Variants in FKBP6 observed in about 807,000 individuals in gnomAD.
The protein encoded by FKBP6 is FKBP prolyl isomerase family member 6 (inactive).
Under a neutral mutation model 41.7 loss-of-function variants are expected in FKBP6, and 29 were observed. The observed-to-expected ratio is 0.70, with a 90% CI of 0.52 to 0.95. FKBP6 has a LOEUF of 0.95. Among genes scored for constraint, FKBP6 ranks in the 40% least tolerant of loss-of-function variants. The pLI is 0.00. For synonymous variants in FKBP6, 130 were observed against 165.1 expected, an observed-to-expected ratio of 0.79 and a Z score of 1.63; for missense variants, 338 against 408.7, an observed-to-expected ratio of 0.83 and a Z score of 1.49.
chr7:73,342,038 C>A (rs1554549672), intron 7 of FKBP6, among the ~76,000 whole-genome samples: 3 of 151,986 alleles, frequency 2.0e-5, no homozygotes, highest in Non-Finnish European at 4.4e-5. Context: ...TGCTCCTAAC[C>A]AAGTGCAGAA....
At chr7:73,353,149 C>T (rs1233732972) in intron 8 of FKBP6, among the ~76,000 whole-genome samples, 2 of 152,110 alleles carry the variant, frequency 1.3e-5, no homozygotes, top group African/African-American at 4.8e-5. Flanking sequence ...CCTCTCTCCC[C>T]TCTGCTTCTG....
intron 8 of FKBP6, among the ~76,000 whole-genome samples, chr7:73,350,368 A>C (rs1247551752): frequency 6.6e-6 from 1 of 152,146 alleles, no homozygotes; most frequent in Non-Finnish European, 1.5e-5. Flanking sequence ...CCTTTCCCTG[A>C]GGAGGCCTCT....
intron 8 of FKBP6, among the ~76,000 whole-genome samples, chr7:73,345,042 C>G (rs1805297436): frequency 6.6e-6 from 1 of 152,088 alleles, no homozygotes; most frequent in South Asian, 2.1e-4. Context: ...TTTGCATTTT[C>G]TAGCTTCTGG....
chr7:73,329,507 G>T (rs782759955), intron 3 of FKBP6, 58 bp downstream of exon 3: 1 of 1,041,416 alleles, frequency 9.6e-7, no homozygotes, highest in Non-Finnish European at 1.5e-6. Flanking sequence ...GATGAGGCAC[G>T]ATGCCTCAGG....
At chr7:73,351,417 G>A (rs1439984069) in intron 8 of FKBP6, among the ~76,000 whole-genome samples, 8 of 151,950 alleles carry the variant, frequency 5.3e-5, no homozygotes, top group South Asian at 2.1e-4. Context: ...ATCTTCTGCC[G>A]GGCATCTGGG....
chr7:73,349,546 C>CAAAAAAAAA (rs1175280907), intron 8 of FKBP6, among the ~76,000 whole-genome samples: 35 of 48,540 alleles, frequency 7.2e-4, no homozygotes, highest in African/African-American at 1.4e-3. Flanking sequence ...TACTAAAATA[C>CAAAAAAAAA]AAAAAAAAAA....
intron 5 of FKBP6, among the ~76,000 whole-genome samples, chr7:73,333,287 A>G (rs1420366749): frequency 4.6e-5 from 7 of 151,660 alleles, no homozygotes; most frequent in Admixed American, 6.6e-5. Context: ...AAAAAAAAAC[A>G]AAACACCACA....
chr7:73,344,878 C>T (rs1221346771), intron 8 of FKBP6, among the ~76,000 whole-genome samples: 1 of 152,228 alleles, frequency 6.6e-6, no homozygotes, highest in African/African-American at 2.4e-5. Flanking sequence ...AGCCACTGCA[C>T]CTGGCTTAGG....
At chr7:73,338,472 T>G (rs187741134) in intron 5 of FKBP6, among the ~76,000 whole-genome samples, 2 of 152,306 alleles carry the variant, frequency 1.3e-5, no homozygotes, top group East Asian at 3.9e-4. Context: ...TGTGAACACG[T>G]TTTCAGTTTT....
At chr7:73,341,447 A>AC (rs1209975563) in intron 7 of FKBP6, 65 bp downstream of exon 7, 457 of 918,614 alleles carry the variant, frequency 5.0e-4, no homozygotes, top group Non-Finnish European at 3.8e-4. Context: ...CTGTCCCCCC[A>AC]CCCCCCCCAA....
At chr7:73,344,556 A>G (rs782350281) in intron 8 of FKBP6, among the ~76,000 whole-genome samples, 3 of 151,626 alleles carry the variant, frequency 2.0e-5, no homozygotes, top group South Asian at 2.1e-4. Context: ...CTAAAAATCC[A>G]GTCATCTTGA....
Position 73,340,707 on chromosome 7 carries a change from C to G in FKBP6, c.658C>G (p.Pro220Ala). 1 of 1,614,028 alleles carries G rather than the reference C, an allele frequency of 6.2e-7. No homozygotes were observed. ...EQHLVEAAKL[P>A]VLLNLSFTYL... ...GCACCTGGTGGAGGCCGCCAAGCTT[C>G]CTGTTCTCCTGAACCTGTCCTTTAC... Residue 220 changes from proline (P) to alanine (A), a missense_variant, in exon 6 of 9, where the codon CCT (proline) becomes GCT (alanine). Pro to Ala is a conservative substitution (Grantham distance 27). Transcript: ENST00000252037.
At chr7:73,349,712 CAAAAAAAAAAAA>C (rs1213747722) in intron 8 of FKBP6, among the ~76,000 whole-genome samples, 5 of 27,860 alleles carry the variant, frequency 1.8e-4, no homozygotes, top group Admixed American at 3.2e-4. Context: ...GACTCCGTCT[CAAAAAAAAAAAA>C]AAAAAAAAAA....
chr7:73,342,811 TACAGGG>T lies in FKBP6; in HGVS notation c.901_906del (p.Arg301_Asp302del). On this transcript the variant is annotated inframe_deletion, in exon 8 of 9. Coordinates refer to ENST00000252037, the MANE Select transcript of FKBP6 (RefSeq NM_003602.5). The stretch of plus-strand genomic sequence containing the variant: ...AGTGTGTATTTCCCTCTCCAGCTGT[TACAGGG>T]ACTATGTGGATAAAGAGAAAGAAAT... 1 of 1,611,032 alleles carries T rather than the reference TACAGGG, an allele frequency of 6.2e-7. No individual in the cohort carries two copies. The highest frequency in any genetic ancestry group is 8.5e-7 in the Non-Finnish European group (1 of 1,177,144).
intron 5 of FKBP6, among the ~76,000 whole-genome samples, chr7:73,334,834 A>G (rs1274517343): frequency 1.3e-5 from 2 of 152,180 alleles, no homozygotes; most frequent in Admixed American, 6.5e-5. Context: ...TCACTCATGT[A>G]AAAGGCTAGA....
intron 2 of FKBP6, 151 bp downstream of exon 2, chr7:73,328,843 C>G: frequency 2.2e-6 from 3 of 1,385,876 alleles, no homozygotes; most frequent in Non-Finnish European, 3.0e-6. Flanking sequence ...GGGTCTTGCT[C>G]AGTTGCCCAG....
At chr7:73,351,453 G>T (rs1288987732) in intron 8 of FKBP6, among the ~76,000 whole-genome samples, 1 of 152,134 alleles carries the variant, frequency 6.6e-6, no homozygotes, top group Non-Finnish European at 1.5e-5. Context: ...CTTATTGTCA[G>T]ATGAAGGCCA....
In FKBP6 at chr7:73,328,408, C is replaced by T. The variant is rs551921339; in HGVS notation, c.-21C>T. ...GGCGCACCAGGCCGAAGGCTCACGC[C>T]ACAGGGAGGGCAGCTAGGACATGGG... On this transcript the variant is annotated 5_prime_UTR_variant, in exon 1 of 9. Coordinates refer to ENST00000252037, the MANE Select transcript of FKBP6 (RefSeq NM_003602.5). The T allele has an allele frequency of 1.9e-6, 3 of 1,568,446 alleles. No homozygotes were observed. The Admixed American group carries it at 5.8e-5, about 30-fold the overall frequency.
intron 5 of FKBP6, chr7:73,336,630 T>C (rs1554548584): frequency 2.5e-6 from 1 of 399,738 alleles, no homozygotes; most frequent in East Asian, 7.6e-5. Context: ...AGCATAGGAA[T>C]AGGCAAATGC....
Sources: allele counts gnomAD v4.1 joint callset (sites outside exome capture counted in the v4.1 genomes callset), GRCh38; gene constraint gnomAD v4.1.1; transcripts MANE v1.5; gene names NCBI Gene and HGNC (gene_info 2026-07-23, HGNC 2026-07-21).